IRAG1: variants seen among roughly 807,000 people sequenced by gnomAD.
The protein encoded by IRAG1 is inositol 1,4,5-triphosphate receptor associated 1.
Under a neutral mutation model 106.2 loss-of-function variants are expected in IRAG1, and 62 were observed. The observed-to-expected ratio is 0.58, with a 90% CI of 0.48 to 0.72. The LOEUF (loss-of-function observed/expected upper bound fraction) is 0.72. IRAG1 is among the 30% of genes least tolerant of loss of function. The pLI, the probability that IRAG1 is intolerant of heterozygous loss-of-function variation, is 0.00. For synonymous variants in IRAG1, 462 were observed against 443.9 expected (o/e 1.04, Z -0.51); for missense variants, 1,064 against 1,140.7 (o/e 0.93, Z 0.97).
At chr11:10,680,404 G>GGAAGGAAAGAAA (rs71034778) in intron 1 of IRAG1, among the ~76,000 whole-genome samples, 2 of 82,138 alleles carry the variant, frequency 2.4e-5, no homozygotes, top group South Asian at 5.6e-4. Flanking sequence ...AAGGAAGGAA[G>GGAAGGAAAGAAA]GAAAGAAAGG....
intron 10 of IRAG1, among the ~76,000 whole-genome samples, chr11:10,619,767 T>A (rs1016891310): frequency 6.6e-6 from 1 of 152,160 alleles, no homozygotes; most frequent in African/African-American, 2.4e-5. Flanking sequence ...TGGAGAGAAT[T>A]AGAACCTTGA....
intron 17 of IRAG1, among the ~76,000 whole-genome samples, chr11:10,592,750 A>T (rs1393399173): frequency 2.0e-5 from 3 of 152,226 alleles, no homozygotes; most frequent in African/African-American, 7.2e-5. Flanking sequence ...ATAGAAATAT[A>T]AAAAGGCATC....
Position 10,603,135 on chromosome 11 carries a change from T to C in IRAG1, c.1860A>G (p.Val620=). 3 of 1,611,088 alleles carry C rather than the reference T, an allele frequency of 1.9e-6. No homozygotes were observed. Among genetic ancestry groups the C allele is most frequent in the Non-Finnish European group, 2.5e-6 (3 of 1,178,940 alleles). ...AGAGACTCACCTGGCGGACGGCGCC[T>C]ACCACCTCAGCTCGGCTGGAGAGGC... ...AARLSSRAEV[V]GAVRQEKRMS... The change falls in exon 14 of 21, where the codon GTA becomes GTG. Residue 620 remains valine (V), a synonymous_variant. Transcript: ENST00000423302.
rs1403034220 is a variant in IRAG1, at chr11:10,633,124, G to C, written c.329+844C>G. 2.0e-5 allele frequency among the ~76,000 whole-genome samples: 3 copies of C among 147,240 alleles called. No individual in the cohort carries two copies. The East Asian group carries it at 6.0e-4, about 30-fold the overall frequency. ...GAGTCTCGCACTGTCGCCCAGGCTG[G>C]AGTGCAGTGGCGCGATCTGGGCTCA... On this transcript the variant is annotated intron_variant, in intron 3 of 20. Coordinates refer to ENST00000423302, the MANE Select transcript of IRAG1 (RefSeq NM_130385.4).
At position 10,665,051 on chromosome 11, in the gene IRAG1, G is replaced by A. The variant is rs1859684744; in HGVS notation, c.68-12869C>T. ...TAAAGAGTTCCAACTGGTGCAAACA[G>A]CCTATCCTTTATAATGCTGCCTGTG... On this transcript the variant is annotated intron_variant, in intron 1 of 20. Coordinates refer to ENST00000423302, the MANE Select transcript of IRAG1 (RefSeq NM_130385.4). This position sits in a 1 kb window ranked among gnomAD's most constrained non-coding sequence, Gnocchi z 4.2. 6.6e-6 allele frequency among the ~76,000 whole-genome samples: 1 copy of A among 152,114 alleles called. No homozygotes were observed. The highest frequency in any genetic ancestry group is 6.5e-5 in the Admixed American group (1 of 15,274).
rs150017434 is a variant in IRAG1, at chr11:10,632,146, T to TTTTC, written c.330-89_330-86dup. 8,808 of 890,098 alleles carry TTTTC rather than the reference T, an allele frequency of 9.9e-3. 75 individuals carry two copies. Among genetic ancestry groups the TTTTC allele is most frequent in the Non-Finnish European group, 0.011 (6,215 of 561,242 alleles). 55.1% of individuals were successfully genotyped at this position (890,098 alleles called of 1,614,324 possible). On this transcript the variant is annotated intron_variant, in intron 3 of 20. Transcript: ENST00000423302. ...AAAGATGCCTGTATATTCTTTTTCT[T>TTTTC]TTTCTTTCTTTCTTTCTTTGTTTCC...
chr11:10,687,748 C>G, intron 1 of IRAG1: 2 of 1,289,010 alleles, frequency 1.6e-6, no homozygotes, highest in Non-Finnish European at 2.0e-6. Flanking sequence ...GAGCCTCAAA[C>G]CCAGTGCAGA....
chr11:10,687,292 G>A (rs1861731292), intron 1 of IRAG1, among the ~76,000 whole-genome samples: 1 of 152,226 alleles, frequency 6.6e-6, no homozygotes, highest in African/African-American at 2.4e-5. Context: ...TCCACACCAA[G>A]AGAATGGCTA....
chr11:10,613,523 GC>G (rs1265959202), intron 10 of IRAG1, among the ~76,000 whole-genome samples: 1 of 152,200 alleles, frequency 6.6e-6, no homozygotes, highest in Non-Finnish European at 1.5e-5. Flanking sequence ...ACAAAATCCA[GC>G]TAAACAAGAC....
At chr11:10,690,833 T>G (rs1210896055) in intron 1 of IRAG1, among the ~76,000 whole-genome samples, 1 of 152,148 alleles carries the variant, frequency 6.6e-6, no homozygotes, top group East Asian at 1.9e-4. Context: ...GAAGCTCAAT[T>G]AATACCAATT....
chr11:10,608,271 C>T (rs923161191), intron 11 of IRAG1, among the ~76,000 whole-genome samples: 5 of 152,080 alleles, frequency 3.3e-5, no homozygotes, highest in African/African-American at 7.2e-5. Flanking sequence ...ACTATGGGTG[C>T]ATGCCACTAT....
At chr11:10,683,498 C>T (rs1281675975) in intron 1 of IRAG1, among the ~76,000 whole-genome samples, 1 of 152,102 alleles carries the variant, frequency 6.6e-6, no homozygotes, top group African/African-American at 2.4e-5. Context: ...GTCCCTCTTC[C>T]ACATGAGGTA....
At chr11:10,576,637 C>G in intron 20 of IRAG1, 62 bp from the exon 21 acceptor site, 1 of 1,591,638 alleles carries the variant, frequency 6.3e-7, no homozygotes, top group Non-Finnish European at 8.6e-7. Flanking sequence ...GATACACAGA[C>G]CCACAGTTCT....
At chr11:10,690,324 G>A in intron 1 of IRAG1, 1 of 1,175,712 alleles carries the variant, frequency 8.5e-7, no homozygotes, top group Non-Finnish European at 1.1e-6. Context: ...CGGGAGGTGG[G>A]GTTGCACCAC....
intron 18 of IRAG1, chr11:10,589,164 T>C (rs1852362414): frequency 6.6e-6 from 1 of 152,188 alleles, no homozygotes; most frequent in African/African-American, 2.4e-5. Flanking sequence ...TTTGATCTTA[T>C]CCTTTGCTTA....
intron 1 of IRAG1, among the ~76,000 whole-genome samples, chr11:10,692,817 T>C (rs562940994): frequency 6.6e-6 from 1 of 152,204 alleles, no homozygotes; most frequent in Non-Finnish European, 1.5e-5. Flanking sequence ...GGCCTCTCTC[T>C]GGCCTCTGGC....
At chr11:10,627,455 A>G (rs1412926570) in intron 8 of IRAG1, among the ~76,000 whole-genome samples, 2 of 152,068 alleles carry the variant, frequency 1.3e-5, no homozygotes, top group African/African-American at 4.8e-5. Flanking sequence ...CCTTGTCTCC[A>G]ACCAGCAGCC....
chr11:10,693,663 C>T lies in IRAG1; in HGVS notation c.-61G>A, dbSNP rs977693138. 3.5e-5 allele frequency: 53 copies of T among 1,522,986 alleles called. No individual in the cohort carries two copies. The African/African-American group carries it at 6.5e-4, about 19-fold the overall frequency. The allele number at this position is 1,522,986 out of a possible 1,614,324, so 94.3% of individuals were successfully genotyped here. On this transcript the variant is annotated 5_prime_UTR_variant, in exon 1 of 21. Transcript: ENST00000423302. ...AGCCGAGAAGCCTCTGGCTGCAGAA[C>T]CTCGGCCGCACGCCTCCTCTGAGAG...
In IRAG1 at chr11:10,657,950, G is replaced by A. The variant is rs1449676241; in HGVS notation, c.68-5768C>T. Among the ~76,000 whole-genome samples, 3 of 152,202 alleles carry A rather than the reference G, an allele frequency of 2.0e-5. No individual in the cohort carries two copies. The highest frequency in any genetic ancestry group is 2.1e-4 in the South Asian group (1 of 4,826). On this transcript the variant is annotated intron_variant, in intron 1 of 20. Transcript: ENST00000423302. The surrounding 1 kb of genome is among the most constrained non-coding windows in gnomAD (Gnocchi z 4.1). The stretch of plus-strand genomic sequence containing the variant: ...CCCAGAGCACCCATGCCCCGAGCCC[G>A]GCTGCATGTGGCAGCTTTCTGACTT...
Sources: allele counts gnomAD v4.1 joint callset (sites outside exome capture counted in the v4.1 genomes callset), GRCh38; gene constraint gnomAD v4.1.1; non-coding constraint Gnocchi (gnomAD v3.1); transcripts MANE v1.5; gene names NCBI Gene and HGNC (gene_info 2026-07-23, HGNC 2026-07-21).